Variants in HS6ST3 observed in about 807,000 individuals in gnomAD.
HS6ST3 encodes heparan-sulfate 6-O-sulfotransferase 3.
A neutral mutation model predicts 36.7 loss-of-function variants in HS6ST3; 12 were observed. That is an observed-to-expected ratio of 0.33 (90% confidence interval 0.21 to 0.53). The LOEUF is 0.53. HS6ST3 is among the 20% of genes least tolerant of loss of function. The pLI is 0.95. For missense variants in HS6ST3, 584 were observed against 640.9 expected (o/e 0.91, Z 0.96); for synonymous variants, 240 against 257.5 (o/e 0.93, Z 0.65).
chr13:96,148,828 C>T (rs1057040938), intron 1 of HS6ST3, among the ~76,000 whole-genome samples: 7 of 152,028 alleles, frequency 4.6e-5, no homozygotes, highest in Admixed American at 1.3e-4. Context: ...AAGCATTAAA[C>T]CAGAAATAAG....
In HS6ST3 at chr13:96,090,833, C is replaced by T; in HGVS notation, c.-30C>T. On this transcript the variant is annotated 5_prime_UTR_variant, in exon 1 of 2. Coordinates refer to ENST00000376705, the MANE Select transcript of HS6ST3 (RefSeq NM_153456.4). ...TCCGCCCTGCCGCCGCCGCCGCCGCCGCTTCGCCTGCCGGCCTGAGAGCGG... is the reference window on the plus strand; with the variant it reads ...TCCGCCCTGCCGCCGCCGCCGCCGCTGCTTCGCCTGCCGGCCTGAGAGCGG... The T allele has an allele frequency of 6.8e-7, 1 of 1,465,940 alleles. No individual in the cohort carries two copies. The highest frequency in any genetic ancestry group is 1.3e-5 in the South Asian group (1 of 76,786). 90.8% of individuals were successfully genotyped at this position (1,465,940 alleles called of 1,614,324 possible).
chr13:96,369,571 T>C (rs2055279595), intron 1 of HS6ST3, among the ~76,000 whole-genome samples: 1 of 152,158 alleles, frequency 6.6e-6, no homozygotes, highest in Non-Finnish European at 1.5e-5. Context: ...CGTGCAGAAC[T>C]TCTAGCAAGC....
chr13:96,528,258 A>G (rs2056122019), intron 1 of HS6ST3, among the ~76,000 whole-genome samples: 1 of 152,222 alleles, frequency 6.6e-6, no homozygotes, highest in Non-Finnish European at 1.5e-5. Context: ...TTGAAACAAT[A>G]TCTTACAAAT....
chr13:96,365,345 G>A (rs1218188999), intron 1 of HS6ST3, among the ~76,000 whole-genome samples: 1 of 152,166 alleles, frequency 6.6e-6, no homozygotes, highest in African/African-American at 2.4e-5. Flanking sequence ...CATATGTTTT[G>A]TGTTTATGAA....
intron 1 of HS6ST3, among the ~76,000 whole-genome samples, chr13:96,370,215 G>A (rs895599415): frequency 1.1e-4 from 17 of 152,162 alleles, no homozygotes; most frequent in African/African-American, 2.7e-4. Context: ...CAACAACCCC[G>A]AGTGATTCTA....
At chr13:96,209,254 G>T (rs145815213) in intron 1 of HS6ST3, among the ~76,000 whole-genome samples, 1 of 152,156 alleles carries the variant, frequency 6.6e-6, no homozygotes, top group Non-Finnish European at 1.5e-5. Context: ...GTGGGTTAGC[G>T]GTAGCGGGGA....
Position 96,530,214 on chromosome 13 carries a change from G to T in HS6ST3, c.708-302276G>T, listed in dbSNP as rs542311323. On this transcript the variant is annotated intron_variant, in intron 1 of 1. Transcript: ENST00000376705. Reference sequence around the variant, plus strand: ...TTTGCAAATGAAGTTTGGGAGTAAGGACTTGGAGCACTGCCCATCTGACTT... The same window carrying T: ...TTTGCAAATGAAGTTTGGGAGTAAGTACTTGGAGCACTGCCCATCTGACTT... Among the ~76,000 whole-genome samples the T allele has an allele frequency of 3.9e-5, 6 of 152,222 alleles. No individual in the cohort carries two copies. In the South Asian group the frequency reaches 1.2e-3, roughly 32 times the overall value.
chr13:96,338,721 CTT>C (rs2055114571), intron 1 of HS6ST3, among the ~76,000 whole-genome samples: 1 of 152,158 alleles, frequency 6.6e-6, no homozygotes, highest in Non-Finnish European at 1.5e-5. Context: ...ATACCAGTCT[CTT>C]TGCTTCTGTC....
chr13:96,154,755 T>C (rs530856150), intron 1 of HS6ST3, among the ~76,000 whole-genome samples: 1 of 152,264 alleles, frequency 6.6e-6, no homozygotes, highest in African/African-American at 2.4e-5. Flanking sequence ...CTTTCTAGCC[T>C]ATTGTAATAG....
intron 1 of HS6ST3, among the ~76,000 whole-genome samples, chr13:96,355,290 C>A (rs1182373165): frequency 1.3e-5 from 2 of 151,204 alleles, no homozygotes; most frequent in East Asian, 3.9e-4. Context: ...AAGTTGATTC[C>A]AACCCTGATG....
intron 1 of HS6ST3, among the ~76,000 whole-genome samples, chr13:96,716,428 C>G (rs955934948): frequency 2.6e-5 from 4 of 152,114 alleles, no homozygotes; most frequent in Non-Finnish European, 4.4e-5. Flanking sequence ...ACCAAGAGTG[C>G]AACTTAAATT....
At chr13:96,486,055 C>T (rs1158777325) in intron 1 of HS6ST3, among the ~76,000 whole-genome samples, 6 of 145,168 alleles carry the variant, frequency 4.1e-5, no homozygotes, top group Admixed American at 2.8e-4. Flanking sequence ...TGATGTTCCC[C>T]TTCCTGTGTC....
intron 1 of HS6ST3, among the ~76,000 whole-genome samples, chr13:96,203,285 T>A (rs1169488513): frequency 6.6e-6 from 1 of 152,188 alleles, no homozygotes; most frequent in Non-Finnish European, 1.5e-5. Flanking sequence ...CTGGTGAGGA[T>A]CCTCTTTCTG....
intron 1 of HS6ST3, among the ~76,000 whole-genome samples, chr13:96,285,074 T>C (rs2054795331): frequency 6.6e-6 from 1 of 152,044 alleles, no homozygotes; most frequent in Non-Finnish European, 1.5e-5. Flanking sequence ...TACTTATTAG[T>C]CTTGCACTTC....
intron 1 of HS6ST3, among the ~76,000 whole-genome samples, chr13:96,696,350 A>T (rs141363603): frequency 2.0e-5 from 3 of 152,190 alleles, no homozygotes; most frequent in Admixed American, 1.3e-4. Context: ...ACAGGCTTTA[A>T]TCTTATCTAC....
At chr13:96,708,417 C>T (rs1194335586) in intron 1 of HS6ST3, among the ~76,000 whole-genome samples, 5 of 152,224 alleles carry the variant, frequency 3.3e-5, no homozygotes, top group Non-Finnish European at 7.3e-5. Flanking sequence ...CAATCTCTTT[C>T]TCTGACCTCT....
At chr13:96,759,973 T>C (rs1234430218) in intron 1 of HS6ST3, among the ~76,000 whole-genome samples, 1 of 152,058 alleles carries the variant, frequency 6.6e-6, no homozygotes, top group African/African-American at 2.4e-5. Context: ...TCAGCCCACC[T>C]TTCAGTACTT....
chr13:96,730,874 G>A (rs986808800), intron 1 of HS6ST3, among the ~76,000 whole-genome samples: 14 of 152,188 alleles, frequency 9.2e-5, no homozygotes, highest in African/African-American at 3.1e-4. Context: ...TAGGGTGACA[G>A]GAACACACCA....
intron 1 of HS6ST3, among the ~76,000 whole-genome samples, chr13:96,366,310 T>C (rs1332145403): frequency 6.6e-6 from 1 of 152,096 alleles, no homozygotes; most frequent in Non-Finnish European, 1.5e-5. Context: ...ACCCTGTCTC[T>C]ACTAATGCAA....
Sources: allele counts gnomAD v4.1 joint callset (sites outside exome capture counted in the v4.1 genomes callset), GRCh38; gene constraint gnomAD v4.1.1; transcripts MANE v1.5; gene names NCBI Gene and HGNC (gene_info 2026-07-23, HGNC 2026-07-21).